The following PCCA variants were observed in gnomAD, a reference collection of about 807,000 sequenced individuals.
PCCA encodes propionyl-CoA carboxylase alpha chain, mitochondrial.
A neutral mutation model predicts 101.3 loss-of-function variants in PCCA; 74 were observed. The ratio of observed to expected loss-of-function variants is 0.73; its 90% CI spans 0.61 to 0.89. The LOEUF (loss-of-function observed/expected upper bound fraction) is 0.89. PCCA is among the 40% of genes least tolerant of loss of function. The pLI is 0.00. For synonymous variants in PCCA, 294 were observed against 313.6 expected (o/e 0.94, Z 0.66); for missense variants, 891 against 907.0 (o/e 0.98, Z 0.23).
At chr13:100,503,962 A>G (rs2085878708) in intron 21 of PCCA, among the ~76,000 whole-genome samples, 1 of 152,228 alleles carries the variant, frequency 6.6e-6, no homozygotes, top group Non-Finnish European at 1.5e-5. Flanking sequence ...TGTAGTATAC[A>G]TATATGTTTA....
At chr13:100,451,427 C>T (rs1022984698) in intron 21 of PCCA, among the ~76,000 whole-genome samples, 1 of 152,126 alleles carries the variant, frequency 6.6e-6, no homozygotes, top group African/African-American at 2.4e-5. Flanking sequence ...CTGTGTCAGT[C>T]CGTAAGATGG....
At chr13:100,222,889 C>G (rs2059907034) in intron 7 of PCCA, among the ~76,000 whole-genome samples, 1 of 152,150 alleles carries the variant, frequency 6.6e-6, no homozygotes, top group African/African-American at 2.4e-5. Context: ...GACAGTTTAC[C>G]CATACCCCTT....
At chr13:100,168,971 A>G (rs1394572478) in intron 6 of PCCA, among the ~76,000 whole-genome samples, 1 of 152,130 alleles carries the variant, frequency 6.6e-6, no homozygotes, top group Non-Finnish European at 1.5e-5. Context: ...ATTTTGGCCA[A>G]AACTACCGGG....
At chr13:100,279,940 T>A (rs531691864) in intron 12 of PCCA, among the ~76,000 whole-genome samples, 3 of 152,228 alleles carry the variant, frequency 2.0e-5, no homozygotes, top group Admixed American at 6.5e-5. Flanking sequence ...GTTCTTTTTT[T>A]ATTTTCTTTG....
chr13:100,224,326 G>GCCAGCCGGCTGCT (rs1490139499), intron 7 of PCCA, among the ~76,000 whole-genome samples: 1 of 152,240 alleles, frequency 6.6e-6, no homozygotes, highest in East Asian at 1.9e-4. Context: ...GGCCGGCAGG[G>GCCAGCCGGCTGCT]CCAGCCGGCT....
At chr13:100,127,090 A>T (rs1349783465) in intron 4 of PCCA, among the ~76,000 whole-genome samples, 2 of 152,248 alleles carry the variant, frequency 1.3e-5, no homozygotes, top group Non-Finnish European at 2.9e-5. Flanking sequence ...GTTAAAGGTA[A>T]ACTAGTCATT....
chr13:100,148,947 T>C (rs1240298420), intron 4 of PCCA, among the ~76,000 whole-genome samples: 1 of 152,140 alleles, frequency 6.6e-6, no homozygotes, highest in Non-Finnish European at 1.5e-5. Context: ...AATAAATATG[T>C]CTTGGTGCTA....
chr13:100,102,822 GA>G, intron 1 of PCCA, 60 bp from the exon 2 acceptor site: 3 of 1,131,996 alleles, frequency 2.7e-6, no homozygotes, highest in South Asian at 2.5e-5. Context: ...GAAATATCCT[GA>G]AAAAATGTTC....
chr13:100,089,105 G>A lies in PCCA; in HGVS notation c.-16G>A, dbSNP rs1262068937. 3 of 1,477,176 alleles carry A rather than the reference G, an allele frequency of 2.0e-6. No homozygotes were observed. The highest frequency in any genetic ancestry group is 1.4e-5 in the African/African-American group (1 of 69,094). The allele number at this position is 1,477,176 out of a possible 1,614,324, so 91.5% of individuals were successfully genotyped here. On this transcript the variant is annotated 5_prime_UTR_variant, in exon 1 of 24. Coordinates refer to ENST00000376285, the MANE Select transcript of PCCA (RefSeq NM_000282.4). ...TGTGTGAGAGGTCAGCAGAGGGGCG[G>A]TCTGCGGGGACAACAATGGCGGGGT...
chr13:100,392,554 G>GT (rs1243413981), intron 19 of PCCA, among the ~76,000 whole-genome samples: 13 of 152,182 alleles, frequency 8.5e-5, no homozygotes, highest in Admixed American at 2.6e-4. Flanking sequence ...ATTCTTCACA[G>GT]TTTTTTCTCT....
chr13:100,461,554 T>C (rs2082165015), intron 21 of PCCA, among the ~76,000 whole-genome samples: 1 of 152,250 alleles, frequency 6.6e-6, no homozygotes. Flanking sequence ...CAGTCTTCCG[T>C]ATCTCATAAT....
intron 20 of PCCA, among the ~76,000 whole-genome samples, chr13:100,435,162 A>C (rs190063593): frequency 2.0e-5 from 3 of 152,338 alleles, no homozygotes; most frequent in Admixed American, 1.3e-4. Flanking sequence ...CCAGCTGTAC[A>C]GGAAGTATGG....
In PCCA at chr13:100,109,277, G is replaced by A. The variant is rs116935531; in HGVS notation, c.184-2564G>A. ...CATACCAGGAAATGAGAGGCAAGAA[G>A]GGTGACTTGTTCATAGCAGGACACA... is the stretch of plus-strand genomic sequence containing the variant. On this transcript the variant is annotated intron_variant, in intron 2 of 23. Transcript: ENST00000376285. 2.4e-4 allele frequency among the ~76,000 whole-genome samples: 36 copies of A among 152,324 alleles called. No individual in the cohort carries two copies. In the East Asian group the frequency reaches 6.8e-3, roughly 29 times the overall value.
intron 21 of PCCA, among the ~76,000 whole-genome samples, chr13:100,495,006 TAGG>T (rs2085173440): frequency 6.6e-6 from 1 of 152,144 alleles, no homozygotes; most frequent in Admixed American, 6.5e-5. Context: ...AATTTGCTGG[TAGG>T]AGGGACCTTA....
chr13:100,240,010 T>C (rs2061023479), intron 8 of PCCA, among the ~76,000 whole-genome samples: 1 of 152,164 alleles, frequency 6.6e-6, no homozygotes, highest in South Asian at 2.1e-4. Flanking sequence ...TCATCTTATA[T>C]ACACTGTCTT....
chr13:100,274,419 T>G lies in PCCA; in HGVS notation c.1065+1073T>G, dbSNP rs144564401. ...TAGTTTATTTCCAGTTTTATGGAAT[T>G]TGTGTTAGTTTGCTAGGACTACCAT... is the stretch of plus-strand genomic sequence containing the variant. On this transcript the variant is annotated intron_variant, in intron 12 of 23. Transcript: ENST00000376285. 6.6e-5 allele frequency among the ~76,000 whole-genome samples: 10 copies of G among 152,294 alleles called. No homozygotes were observed. In the East Asian group the frequency reaches 1.9e-3, roughly 29 times the overall value.
intron 21 of PCCA, among the ~76,000 whole-genome samples, chr13:100,498,259 AT>A (rs1274959838): frequency 6.7e-6 from 1 of 148,168 alleles, no homozygotes. Flanking sequence ...AAAATTACCG[AT>A]TTTTTTTTAT....
intron 4 of PCCA, among the ~76,000 whole-genome samples, chr13:100,148,612 C>T (rs984824559): frequency 3.9e-5 from 6 of 152,142 alleles, no homozygotes; most frequent in Admixed American, 2.0e-4. Context: ...AGATAGTTCT[C>T]CTCCTGCTGG....
chr13:100,206,696 A>C (rs1305496975), intron 6 of PCCA, among the ~76,000 whole-genome samples: 1 of 152,142 alleles, frequency 6.6e-6, no homozygotes, highest in Non-Finnish European at 1.5e-5. Flanking sequence ...CTTGGCATAT[A>C]AGCTGAAGGA....
Sources: allele counts gnomAD v4.1 joint callset (sites outside exome capture counted in the v4.1 genomes callset), GRCh38; gene constraint gnomAD v4.1.1; transcripts MANE v1.5; gene names NCBI Gene and HGNC (gene_info 2026-07-23, HGNC 2026-07-21).